Variants in ZNF385D observed in about 807,000 individuals in gnomAD.
The protein encoded by ZNF385D is zinc finger protein 659.
ZNF385D carries 15 observed loss-of-function variants against 35.8 expected under a neutral mutation model. The observed-to-expected ratio is 0.42, with a 90% confidence interval of 0.28 to 0.64. The LOEUF is 0.64. ZNF385D is among the 30% of genes least tolerant of loss of function. ZNF385D has a pLI of 0.23. For missense variants in ZNF385D, 474 were observed against 494.6 expected (o/e 0.96, Z 0.39); for synonymous variants, 212 against 186.8 (o/e 1.13, Z -1.10).
At chr3:22,113,750 C>T (rs1283794238) in intron 3 of ZNF385D, among the ~76,000 whole-genome samples, 1 of 151,932 alleles carries the variant, frequency 6.6e-6, no homozygotes, top group Non-Finnish European at 1.5e-5. Context: ...CTTTGGGAGG[C>T]CAAGGCGGGT....
chr3:22,192,673 T>C (rs1003355056), intron 2 of ZNF385D, among the ~76,000 whole-genome samples: 1 of 152,120 alleles, frequency 6.6e-6, no homozygotes, highest in Admixed American at 6.6e-5. Context: ...TACAACCTCA[T>C]GAAAAAACCT....
chr3:21,946,508 G>T (rs1701792912), intron 3 of ZNF385D, among the ~76,000 whole-genome samples: 1 of 152,044 alleles, frequency 6.6e-6, no homozygotes, highest in African/African-American at 2.4e-5. Context: ...CTTATGAACT[G>T]ATTTGTTTTC....
intron 3 of ZNF385D, among the ~76,000 whole-genome samples, chr3:21,560,506 TC>T (rs1452214307): frequency 2.6e-5 from 4 of 152,188 alleles, no homozygotes; most frequent in Non-Finnish European, 5.9e-5. Flanking sequence ...GCCTGTTCTT[TC>T]CTCTGGAAGC....
chr3:21,486,111 C>T (rs1425438665), intron 4 of ZNF385D, among the ~76,000 whole-genome samples: 1 of 136,692 alleles, frequency 7.3e-6, no homozygotes, highest in Non-Finnish European at 1.6e-5. Flanking sequence ...TAGAAGTTGG[C>T]CGTCTCTGAA....
At chr3:22,029,425 T>G (rs1200772993) in intron 3 of ZNF385D, among the ~76,000 whole-genome samples, 1 of 152,182 alleles carries the variant, frequency 6.6e-6, no homozygotes, top group Non-Finnish European at 1.5e-5. Flanking sequence ...GAATGAAGGT[T>G]TGGTTTACTC....
chr3:21,439,759 G>A (rs1331759585), intron 4 of ZNF385D, among the ~76,000 whole-genome samples: 1 of 152,004 alleles, frequency 6.6e-6, no homozygotes, highest in African/African-American at 2.4e-5. Context: ...TTAAACCAAA[G>A]ACAACAGAAG....
intron 3 of ZNF385D, among the ~76,000 whole-genome samples, chr3:21,954,792 C>T (rs2125305189): frequency 6.6e-6 from 1 of 152,220 alleles, no homozygotes; most frequent in Admixed American, 6.5e-5. Context: ...CATCCCCACC[C>T]TCACTTCCCT....
intron 3 of ZNF385D, among the ~76,000 whole-genome samples, chr3:22,149,949 T>C (rs1164459301): frequency 6.6e-6 from 1 of 152,184 alleles, no homozygotes; most frequent in Non-Finnish European, 1.5e-5. Context: ...CTCTCTTGAC[T>C]TTAATTCCAT....
chr3:22,229,902 T>C (rs1011565762), intron 2 of ZNF385D, among the ~76,000 whole-genome samples: 1 of 152,214 alleles, frequency 6.6e-6, no homozygotes, highest in Non-Finnish European at 1.5e-5. Context: ...CTCTGTGGAA[T>C]TGAGGCTCAA....
chr3:21,977,007 T>A (rs1181772297), intron 3 of ZNF385D, among the ~76,000 whole-genome samples: 1 of 151,990 alleles, frequency 6.6e-6, no homozygotes, highest in Non-Finnish European at 1.5e-5. Context: ...ATAATAATAA[T>A]AATAAACCAC....
chr3:22,115,076 G>A (rs1206814510), intron 3 of ZNF385D, among the ~76,000 whole-genome samples: 1 of 152,072 alleles, frequency 6.6e-6, no homozygotes, highest in Non-Finnish European at 1.5e-5. Flanking sequence ...AACAAACTAA[G>A]ACAGGGTGTC....
At position 22,039,084 on chromosome 3, in the gene ZNF385D, G is replaced by C. The variant is rs114092219; in HGVS notation, c.325+129733C>G. On this transcript the variant is annotated intron_variant, in intron 3 of 5. Coordinates refer to the ZNF385D transcript ENST00000494108. Reference sequence around the variant, plus strand: ...TAATGTTAGCAAAATAATTACAAACGATCCCTATGCAGACCATGTGAACGA... The same window carrying C: ...TAATGTTAGCAAAATAATTACAAACCATCCCTATGCAGACCATGTGAACGA... Among the ~76,000 whole-genome samples the C allele has an allele frequency of 1.8e-3, 268 of 151,500 alleles. 2 individuals carry two copies. Among genetic ancestry groups the C allele is most frequent in the African/African-American group, 6.3e-3 (259 of 41,358 alleles).
chr3:21,806,678 T>C (rs903204530), intron 3 of ZNF385D, among the ~76,000 whole-genome samples: 2 of 152,182 alleles, frequency 1.3e-5, no homozygotes, highest in Non-Finnish European at 2.9e-5. Context: ...ATATGTTATA[T>C]AGTAATAAAA....
chr3:21,584,194 G>A (rs1223489809), intron 2 of ZNF385D, among the ~76,000 whole-genome samples: 1 of 142,840 alleles, frequency 7.0e-6, no homozygotes, highest in Non-Finnish European at 1.6e-5. Flanking sequence ...GGCCAGGCTG[G>A]TCTCAAAGTC....
At chr3:21,758,988 A>C (rs1031254147) in intron 3 of ZNF385D, among the ~76,000 whole-genome samples, 4 of 145,126 alleles carry the variant, frequency 2.8e-5, no homozygotes, top group African/African-American at 7.9e-5. Flanking sequence ...AAAAAAAAAA[A>C]AAAAAAAAAA....
chr3:22,029,619 A>T (rs1042790410), intron 3 of ZNF385D, among the ~76,000 whole-genome samples: 3 of 152,162 alleles, frequency 2.0e-5, no homozygotes, highest in Non-Finnish European at 2.9e-5. Context: ...GCATATATAC[A>T]CTTGTACTAA....
intron 3 of ZNF385D, among the ~76,000 whole-genome samples, chr3:21,883,723 T>C (rs1459052786): frequency 6.6e-6 from 1 of 152,070 alleles, no homozygotes; most frequent in Non-Finnish European, 1.5e-5. Context: ...CATTTCATTT[T>C]TGTTACATTC....
chr3:21,968,136 T>G (rs945842014), intron 3 of ZNF385D, among the ~76,000 whole-genome samples: 1 of 152,002 alleles, frequency 6.6e-6, no homozygotes, highest in African/African-American at 2.4e-5. Flanking sequence ...GACTTCACAT[T>G]GGAATTCAGT....
chr3:22,303,568 A>G (rs1477769631), intron 2 of ZNF385D, among the ~76,000 whole-genome samples: 1 of 152,052 alleles, frequency 6.6e-6, no homozygotes, highest in Non-Finnish European at 1.5e-5. Flanking sequence ...TCTATACTGC[A>G]GCTTTTTGTT....
Sources: gnomAD v4.1 joint callset for allele counts (sites outside exome capture counted in the v4.1 genomes callset) on GRCh38, gnomAD v4.1.1 for gene constraint, MANE v1.5 for transcripts, NCBI Gene and HGNC (gene_info 2026-07-23, HGNC 2026-07-21) for gene names.